The following AGTRAP variants were observed in gnomAD, a reference collection of about 807,000 sequenced individuals.
The protein encoded by AGTRAP is type-1 angiotensin II receptor-associated protein.
A neutral mutation model predicts 15.2 loss-of-function variants in AGTRAP; 7 were observed. That is an observed-to-expected ratio of 0.46 (90% confidence interval 0.26 to 0.87). The LOEUF is 0.87. Ranked by LOEUF, AGTRAP falls within the 40% of genes least tolerant of loss-of-function variation. The pLI is 0.15. For missense variants in AGTRAP, 187 were observed against 213.4 expected, an observed-to-expected ratio of 0.88 and a Z score of 0.77; for synonymous variants, 74 against 89.6, an observed-to-expected ratio of 0.83 and a Z score of 0.98.
chr1:11,745,597 G>A lies in AGTRAP; in HGVS notation c.28-206G>A, dbSNP rs558349042. ...CATGGGAGGGGTGAAGGCATGAAGC[G>A]GCCCCTCCCTGGCCTGGCCTGCTTT... On this transcript the variant is annotated intron_variant, in intron 1 of 4. Coordinates refer to ENST00000314340, the MANE Select transcript of AGTRAP (RefSeq NM_020350.5). The surrounding 1 kb of genome is among the most constrained non-coding windows in gnomAD (Gnocchi z 4.2). 4.5e-4 allele frequency among the ~76,000 whole-genome samples: 69 copies of A among 152,288 alleles called. No homozygotes were observed. Among genetic ancestry groups the A allele is most frequent in the African/African-American group, 1.6e-3 (67 of 41,568 alleles).
chr1:11,745,847 T>C lies in AGTRAP; in HGVS notation c.62+10T>C. ...GGCTGCTGACAACCTGGTAAGTGACTCTGTGGGTATCTTGTGTGTCTCCTG... is the reference window on the plus strand; with the variant it reads ...GGCTGCTGACAACCTGGTAAGTGACCCTGTGGGTATCTTGTGTGTCTCCTG... On this transcript the variant is annotated intron_variant, in intron 2 of 4. Coordinates refer to ENST00000314340, the MANE Select transcript of AGTRAP (RefSeq NM_020350.5). The surrounding 1 kb of genome is among the most constrained non-coding windows in gnomAD (Gnocchi z 4.2). The C allele has an allele frequency of 6.2e-7, 1 of 1,613,586 alleles. No individual in the cohort carries two copies. Among genetic ancestry groups the C allele is most frequent in the Non-Finnish European group, 8.5e-7 (1 of 1,179,950 alleles).
At chr1:11,744,507 G>C in intron 1 of AGTRAP, 1 of 714,124 alleles carries the variant, frequency 1.4e-6, no homozygotes, top group South Asian at 1.5e-5. Flanking sequence ...AGCCACAACA[G>C]CTGCTTTCCC....
chr1:11,740,531 CAG>C (rs1323931992), intron 1 of AGTRAP, among the ~76,000 whole-genome samples: 4 of 152,182 alleles, frequency 2.6e-5, no homozygotes, highest in African/African-American at 7.2e-5. Flanking sequence ...TCTTCCCTAA[CAG>C]AGATGGCAGA....
intron 1 of AGTRAP, among the ~76,000 whole-genome samples, chr1:11,738,217 C>T (rs1029665932): frequency 5.3e-5 from 8 of 152,152 alleles, no homozygotes. Flanking sequence ...CCTCCCCACT[C>T]CCTCGTTTTG....
intron 1 of AGTRAP, among the ~76,000 whole-genome samples, chr1:11,743,249 T>C (rs1642075615): frequency 6.6e-6 from 1 of 151,480 alleles, no homozygotes; most frequent in African/African-American, 2.4e-5. Context: ...TCTTTTCTTT[T>C]CTTTTTTTTT....
intron 1 of AGTRAP, among the ~76,000 whole-genome samples, chr1:11,736,827 G>A (rs561014577): frequency 5.4e-4 from 83 of 152,342 alleles, no homozygotes; most frequent in African/African-American, 2.0e-3. Context: ...GGAAAACACT[G>A]CAGGGCTTCC....
intron 1 of AGTRAP, among the ~76,000 whole-genome samples, chr1:11,743,389 G>A (rs1428191713): frequency 2.0e-5 from 3 of 151,760 alleles, no homozygotes; most frequent in Non-Finnish European, 2.9e-5. Flanking sequence ...GGGATTACAG[G>A]TGCCCACCAC....
chr1:11,741,845 C>A (rs577341153), intron 1 of AGTRAP, among the ~76,000 whole-genome samples: 3 of 152,216 alleles, frequency 2.0e-5, no homozygotes, highest in Non-Finnish European at 4.4e-5. Flanking sequence ...AAGATTCCTT[C>A]TAGAGCTAGA....
At chr1:11,748,352 G>A (rs2100779147) in intron 3 of AGTRAP, 63 bp from the exon 4 acceptor site, 1 of 1,543,134 alleles carries the variant, frequency 6.5e-7, no homozygotes, top group Non-Finnish European at 8.8e-7. Flanking sequence ...CATCCGGTGT[G>A]TGGCGGGGGA....
At position 11,750,472 on chromosome 1, in the gene AGTRAP, G is replaced by A. The variant is rs1642293096; in HGVS notation, c.*280G>A. 1.7e-6 allele frequency: 1 copy of A among 593,916 alleles called. No homozygotes were observed. Among genetic ancestry groups the A allele is most frequent in the Admixed American group, 3.0e-5 (1 of 33,874 alleles). 36.8% of individuals were successfully genotyped at this position (593,916 alleles called of 1,614,324 possible). A position where few individuals can be genotyped will look rare whatever the true frequency, so the allele number is the denominator to read the frequency against. On this transcript the variant is annotated 3_prime_UTR_variant, in exon 5 of 5. Coordinates refer to ENST00000314340, the MANE Select transcript of AGTRAP (RefSeq NM_020350.5). ...CCTCCTACCCCATGGTGGCACCACA[G>A]AGGCCCTCAGCCGAGTCCTGCCTGA...
intron 4 of AGTRAP, 90 bp downstream of exon 4, chr1:11,748,700 C>T: frequency 2.8e-6 from 4 of 1,452,970 alleles, no homozygotes; most frequent in Non-Finnish European, 3.7e-6. Flanking sequence ...CAGCCTTGCC[C>T]CATGGGGCCA....
chr1:11,736,359 T>G, intron 1 of AGTRAP, 124 bp downstream of exon 1: 1 of 1,335,106 alleles, frequency 7.5e-7, no homozygotes, highest in Non-Finnish European at 1.0e-6. Context: ...GAAGGGAAGG[T>G]ACAGACCCCA....
rs1642243129 is a variant in AGTRAP at position 11,748,888 on chromosome 1, CTGGGGG to C, written c.364+280_364+285del. ...CTCTCAGCCCAGAACACAGGCACAG[CTGGGGG>C]TACCATTTAGTTCCCAGGGGCAGCC... On this transcript the variant is annotated intron_variant, in intron 4 of 4. Transcript: ENST00000314340. 2.0e-5 allele frequency among the ~76,000 whole-genome samples: 3 copies of C among 152,192 alleles called. No individual in the cohort carries two copies. In the South Asian group the frequency reaches 6.2e-4, roughly 31 times the overall value.
intron 1 of AGTRAP, among the ~76,000 whole-genome samples, chr1:11,743,901 G>A (rs1274908000): frequency 6.6e-6 from 1 of 152,080 alleles, no homozygotes; most frequent in South Asian, 2.1e-4. Context: ...TTCCAGTCAG[G>A]GCCTTGTTGA....
At chr1:11,740,769 C>T (rs1252205423) in intron 1 of AGTRAP, among the ~76,000 whole-genome samples, 3 of 152,112 alleles carry the variant, frequency 2.0e-5, no homozygotes, top group Admixed American at 6.5e-5. Flanking sequence ...GGCATAGGAG[C>T]GAGAGCATTG....
At chr1:11,743,002 A>G (rs987876781) in intron 1 of AGTRAP, among the ~76,000 whole-genome samples, 36 of 152,040 alleles carry the variant, frequency 2.4e-4, no homozygotes, top group African/African-American at 8.5e-4. Context: ...GTAAACTTCT[A>G]GGGCCCTCAT....
chr1:11,749,160 C>A (rs1457101241), intron 4 of AGTRAP, among the ~76,000 whole-genome samples: 5 of 152,242 alleles, frequency 3.3e-5, no homozygotes, highest in Admixed American at 3.3e-4. Flanking sequence ...CCCAGCCTTA[C>A]ACCTGCCCTC....
chr1:11,743,569 C>CTTTTT (rs1302181623), intron 1 of AGTRAP, among the ~76,000 whole-genome samples: 1 of 139,584 alleles, frequency 7.2e-6, no homozygotes, highest in Non-Finnish European at 1.5e-5. Context: ...TCTTTCTTTC[C>CTTTTT]TTTTTTTTTT....
rs1642270307 is a variant in AGTRAP at position 11,749,866 on chromosome 1, A to G, written c.365-211A>G. 1.3e-5 allele frequency among the ~76,000 whole-genome samples: 2 copies of G among 152,064 alleles called. 1 individual carries two copies. Among genetic ancestry groups the G allele is most frequent in the Admixed American group, 1.3e-4 (2 of 15,268 alleles). On this transcript the variant is annotated intron_variant, in intron 4 of 4. Transcript: ENST00000314340. Reference sequence around the variant, plus strand: ...TCTCCTCATCTGTAAAGTGGGGACAATAAAAATACCCGTCGCACAGGGATA... The same window carrying G: ...TCTCCTCATCTGTAAAGTGGGGACAGTAAAAATACCCGTCGCACAGGGATA...
Sources: allele counts gnomAD v4.1 joint callset (sites outside exome capture counted in the v4.1 genomes callset), GRCh38; gene constraint gnomAD v4.1.1; non-coding constraint Gnocchi (gnomAD v3.1); transcripts MANE v1.5; gene names NCBI Gene and HGNC (gene_info 2026-07-23, HGNC 2026-07-21).